ZFYVE26: variants seen among roughly 807,000 people sequenced by gnomAD.
The protein encoded by ZFYVE26 is zinc finger FYVE-type containing 26.
A neutral mutation model predicts 276.5 loss-of-function variants in ZFYVE26; 181 were observed. The ratio of observed to expected loss-of-function variants is 0.65; its 90% CI spans 0.58 to 0.74. ZFYVE26 has a LOEUF of 0.74. Among genes scored for constraint, ZFYVE26 ranks in the 30% least tolerant of loss-of-function variants. The pLI, the probability that ZFYVE26 is intolerant of heterozygous loss-of-function variation, is 0.00. For missense variants in ZFYVE26, 2,821 were observed against 3,097.9 expected (o/e 0.91, Z 2.12); for synonymous variants, 1,129 against 1,203.1 (o/e 0.94, Z 1.27).
At position 67,767,846 on chromosome 14, in the gene ZFYVE26, A is replaced by G. The variant is rs2039100144; in HGVS notation, c.5654-6T>C. The G allele has an allele frequency of 6.2e-7, 1 of 1,614,036 alleles. No homozygotes were observed. The highest frequency in any genetic ancestry group is 1.3e-5 in the African/African-American group (1 of 74,910). Reference sequence around the variant, plus strand: ...ATTCTTGGAGCTGTCTAGAGCTGAGAAGAGAAATGCCATTCATGTGTCATT... The same window carrying G: ...ATTCTTGGAGCTGTCTAGAGCTGAGGAGAGAAATGCCATTCATGTGTCATT... On this transcript the variant is annotated splice_region_variant and splice_polypyrimidine_tract_variant and intron_variant, in intron 30 of 41. Coordinates refer to ENST00000347230, the MANE Select transcript of ZFYVE26 (RefSeq NM_015346.4).
intron 22 of ZFYVE26, 136 bp from the exon 23 acceptor site, chr14:67,780,481 A>G (rs2039470486): frequency 6.3e-6 from 5 of 789,072 alleles, no homozygotes; most frequent in Non-Finnish European, 1.1e-5. Flanking sequence ...GCCAGAAAAG[A>G]GAGCAAATTG....
At chr14:67,805,184 T>G (rs1435295683) in intron 8 of ZFYVE26, 33 bp downstream of exon 8, 2 of 1,596,322 alleles carry the variant, frequency 1.3e-6, no homozygotes, top group Non-Finnish European at 1.7e-6. Context: ...CTGTGCCCTG[T>G]GGTGGGCAGG....
chr14:67,761,413 C>G lies in ZFYVE26; in HGVS notation c.6541G>C (p.Val2181Leu). 1 of 1,614,006 alleles carries G rather than the reference C, an allele frequency of 6.2e-7. No individual in the cohort carries two copies. Among genetic ancestry groups the G allele is most frequent in the Non-Finnish European group, 8.5e-7 (1 of 1,179,958 alleles). The change falls in exon 35 of 42, where the codon GTG becomes CTG. Residue 2181 changes from valine (V) to leucine (L), a missense_variant. By Grantham distance (32) the Val-to-Leu change is conservative. Coordinates refer to ENST00000347230, the MANE Select transcript of ZFYVE26 (RefSeq NM_015346.4). Reference sequence around the variant, plus strand: ...GCTTCCCGCAGGCAGCTGTGCCTCACGTAGAAGCTGATGATGGCCAGGTTG... The same window carrying G: ...GCTTCCCGCAGGCAGCTGTGCCTCAGGTAGAAGCTGATGATGGCCAGGTTG... The part of the protein sequence containing the change: ...STNLAIISFY[V>L]RHSCLREALL...
intron 2 of ZFYVE26, among the ~76,000 whole-genome samples, chr14:67,815,205 T>C (rs980447233): frequency 6.6e-6 from 1 of 152,188 alleles, no homozygotes; most frequent in Non-Finnish European, 1.5e-5. Context: ...GAAGGCAGAT[T>C]AAGAAAATGC....
At chr14:67,776,357 A>G (rs974920991) in intron 25 of ZFYVE26, among the ~76,000 whole-genome samples, 2 of 152,224 alleles carry the variant, frequency 1.3e-5, no homozygotes, top group African/African-American at 4.8e-5. Context: ...TCAGAGAGTA[A>G]CTATTTCAGG....
At chr14:67,799,085 G>A in intron 10 of ZFYVE26, 1 of 1,205,240 alleles carries the variant, frequency 8.3e-7, no homozygotes, top group South Asian at 1.2e-5. Context: ...AGTGGACGAG[G>A]ACTCTCCAGT....
chr14:67,752,131 T>C (rs1283254742), intron 40 of ZFYVE26, among the ~76,000 whole-genome samples: 1 of 152,160 alleles, frequency 6.6e-6, no homozygotes, highest in Admixed American at 6.5e-5. Flanking sequence ...CAATGGGATG[T>C]TGAGGGTCAC....
chr14:67,765,492 C>T (rs2039032270), intron 32 of ZFYVE26, among the ~76,000 whole-genome samples: 1 of 152,106 alleles, frequency 6.6e-6, no homozygotes, highest in Admixed American at 6.5e-5. Flanking sequence ...GCAAGTATTC[C>T]AAGCAAATGT....
chr14:67,804,427 T>C (rs2040137108), intron 8 of ZFYVE26, among the ~76,000 whole-genome samples, 163 bp from the exon 9 acceptor site: 1 of 152,174 alleles, frequency 6.6e-6, no homozygotes, highest in South Asian at 2.1e-4. Context: ...AGCCTAACAT[T>C]TATTTACCCT....
At chr14:67,734,005 C>T in intron 13 of ZFYVE26, 1 of 610,294 alleles carries the variant, frequency 1.6e-6, no homozygotes. Flanking sequence ...TGTTTGCACA[C>T]CTGACACTCT....
At chr14:67,780,371 A>G (rs1566880424) in intron 22 of ZFYVE26, 26 bp from the exon 23 acceptor site, 3 of 1,592,698 alleles carry the variant, frequency 1.9e-6, no homozygotes, top group Non-Finnish European at 2.6e-6. Flanking sequence ...AAAATCCGTC[A>G]AACCACACTG....
chr14:67,768,504 G>T lies in ZFYVE26; in HGVS notation c.5653+13C>A, dbSNP rs1356459056. The stretch of plus-strand genomic sequence containing the variant: ...ACAAATGAAGAGTCACAGAGAACGG[G>T]ATTTGGCCTTACCTTCTGGTTTTTC... On this transcript the variant is annotated intron_variant, in intron 30 of 41. Coordinates refer to ENST00000347230, the MANE Select transcript of ZFYVE26 (RefSeq NM_015346.4). 2 of 1,613,972 alleles carry T rather than the reference G, an allele frequency of 1.2e-6. No individual in the cohort carries two copies. The highest frequency in any genetic ancestry group is 4.5e-5 in the East Asian group (2 of 44,880).
intron 10 of ZFYVE26, among the ~76,000 whole-genome samples, chr14:67,801,186 G>A (rs1435453624): frequency 1.3e-5 from 2 of 152,108 alleles, no homozygotes; most frequent in East Asian, 3.9e-4. Flanking sequence ...AGGAGGCGGA[G>A]GTTGCAGTGA....
chr14:67,780,273 A>T lies in ZFYVE26; in HGVS notation c.4642T>A (p.Ser1548Thr). 1.9e-6 allele frequency: 3 copies of T among 1,614,010 alleles called. No homozygotes were observed. The highest frequency in any genetic ancestry group is 2.5e-6 in the Non-Finnish European group (3 of 1,179,988). Residue 1548 changes from serine (S) to threonine (T), a missense_variant, in exon 23 of 42, where the codon TCA becomes ACA. Physicochemically the swap from Ser to Thr is moderately conservative, Grantham distance 58. Transcript: ENST00000347230. ...TCTAGAATCATGTTCATGACAGTTG[A>T]TGGGTCCTCAACACAACAGCTCCTC... Reference protein sequence around the residue: ...TLRSCCVEDPSTVMNMILEAQ... With the variant: ...TLRSCCVEDPTTVMNMILEAQ...
chr14:67,800,977 G>A (rs1361742882), intron 10 of ZFYVE26, among the ~76,000 whole-genome samples: 4 of 149,820 alleles, frequency 2.7e-5, no homozygotes, highest in Non-Finnish European at 4.4e-5. Flanking sequence ...AGCTGGCCAT[G>A]GGCAGTGGCT....
chr14:67,794,108 G>A (rs1201320864), intron 13 of ZFYVE26, 63 bp downstream of exon 13: 2 of 1,538,504 alleles, frequency 1.3e-6, no homozygotes, highest in African/African-American at 1.4e-5. Context: ...ACACCATGGT[G>A]TATGGCAACT....
At chr14:67,765,976 C>T (rs1007918217) in intron 32 of ZFYVE26, among the ~76,000 whole-genome samples, 1 of 152,096 alleles carries the variant, frequency 6.6e-6, no homozygotes, top group Non-Finnish European at 1.5e-5. Flanking sequence ...CTCTTTCTGA[C>T]TGGTATAGCT....
At position 67,769,676 on chromosome 14, in the gene ZFYVE26, A is replaced by G; in HGVS notation, c.5539T>C (p.Ser1847Pro). 1 of 1,614,106 alleles carries G rather than the reference A, an allele frequency of 6.2e-7. No homozygotes were observed. The highest frequency in any genetic ancestry group is 8.5e-7 in the Non-Finnish European group (1 of 1,179,996). Residue 1847 changes from serine (S) to proline (P), a missense_variant, in exon 29 of 42, where the codon TCC (serine) becomes CCC (proline). Physicochemically the swap from Ser to Pro is moderately conservative, Grantham distance 74. Coordinates refer to ENST00000347230, the MANE Select transcript of ZFYVE26 (RefSeq NM_015346.4). ...CCTTCAACCACCATTTTCTTAGTGGAGCAGGAGCTGCACACTAGCCGGCCA... is the reference window on the plus strand; with the variant it reads ...CCTTCAACCACCATTTTCTTAGTGGGGCAGGAGCTGCACACTAGCCGGCCA... ...RCGRLVCSSC[S>P]TKKMVVEGCR... is the part of the protein sequence containing the mutation.
intron 5 of ZFYVE26, 42 bp from the exon 6 acceptor site, chr14:67,806,717 T>C (rs541798219): frequency 1.9e-5 from 30 of 1,612,410 alleles, no homozygotes; most frequent in Non-Finnish European, 2.2e-5. Flanking sequence ...CCAAGAACTC[T>C]TCTTTTCTAA....
Sources: gnomAD v4.1 joint callset for allele counts (sites outside exome capture counted in the v4.1 genomes callset) on GRCh38, gnomAD v4.1.1 for gene constraint, MANE v1.5 for transcripts, NCBI Gene and HGNC (gene_info 2026-07-23, HGNC 2026-07-21) for gene names.